DPP6: variants seen among roughly 807,000 people sequenced by gnomAD.
DPP6 encodes dipeptidyl peptidase like 6.
In DPP6, 69 loss-of-function variants were observed where a neutral mutation model predicts 122.6. The observed-to-expected ratio is 0.56, with a 90% CI of 0.46 to 0.69. The LOEUF is 0.69. Ranked by LOEUF, DPP6 falls within the 30% of genes least tolerant of loss-of-function variation. The probability of loss-of-function intolerance (pLI) is 0.00; values close to 1 mark genes in which losing one functional copy is unlikely to be tolerated. For synonymous variants in DPP6, 418 were observed against 433.1 expected (o/e 0.97, Z 0.43); for missense variants, 928 against 1,116.9 (o/e 0.83, Z 2.41).
At chr7:154,555,841 A>C (rs1829998789) in intron 4 of DPP6, among the ~76,000 whole-genome samples, 1 of 152,042 alleles carries the variant, frequency 6.6e-6, no homozygotes, top group Non-Finnish European at 1.5e-5. Flanking sequence ...GATTGAACAA[A>C]GCAAACTATA....
chr7:154,588,087 C>T, intron 5 of DPP6: 1 of 1,598,342 alleles, frequency 6.3e-7, no homozygotes, highest in Non-Finnish European at 8.6e-7. Flanking sequence ...CCGAGTGAGC[C>T]TTGCAGCCTC....
intron 1 of DPP6, among the ~76,000 whole-genome samples, chr7:154,023,357 C>CACACACACAT (rs1563109429): frequency 6.6e-6 from 1 of 150,970 alleles, no homozygotes; most frequent in African/African-American, 2.5e-5. Flanking sequence ...CACACACACA[C>CACACACACAT]ACACTTCTTA....
At chr7:154,247,573 G>A (rs1802062183) in intron 1 of DPP6, among the ~76,000 whole-genome samples, 1 of 151,262 alleles carries the variant, frequency 6.6e-6, no homozygotes, top group Non-Finnish European at 1.5e-5. Context: ...CCACTGGAAT[G>A]GTTATAATCA....
At chr7:154,803,017 G>A (rs562613988) in intron 13 of DPP6, among the ~76,000 whole-genome samples, 1 of 152,034 alleles carries the variant, frequency 6.6e-6, no homozygotes, top group East Asian at 1.9e-4. Context: ...CCCTCGGGGG[G>A]CCCCCAGGGC....
chr7:153,807,359 T>C, the DPP6 span, among the ~76,000 whole-genome samples: 127 of 151,074 alleles, frequency 8.4e-4, 1 homozygote, highest in African/African-American at 3.1e-3. Flanking sequence ...GCCGAGATCG[T>C]GCCACAGCCG....
At chr7:153,870,664 T>C in the DPP6 span, among the ~76,000 whole-genome samples, 2 of 152,244 alleles carry the variant, frequency 1.3e-5, no homozygotes, top group Non-Finnish European at 1.5e-5. Context: ...AAAGTCATTC[T>C]CCATCCAGCT....
intron 1 of DPP6, among the ~76,000 whole-genome samples, chr7:154,070,417 A>C (rs1400860778): frequency 6.6e-6 from 1 of 152,172 alleles, no homozygotes; most frequent in Non-Finnish European, 1.5e-5. Flanking sequence ...GTTGTGATGC[A>C]TCTATTATTT....
At chr7:154,469,459 T>C (rs936846671) in intron 2 of DPP6, among the ~76,000 whole-genome samples, 7 of 152,216 alleles carry the variant, frequency 4.6e-5, no homozygotes, top group Admixed American at 2.0e-4. Context: ...CTTCCGTCTC[T>C]AGGGTTTTTG....
chr7:154,159,773 A>G (rs3111943), intron 1 of DPP6, among the ~76,000 whole-genome samples: 128,010 of 149,716 alleles, frequency 0.86, 53,300 homozygotes, highest in East Asian at 0.98. Flanking sequence ...TGATCTTCCC[A>G]ACAGCACTAT....
intron 1 of DPP6, among the ~76,000 whole-genome samples, chr7:153,899,909 T>C (rs1015907597): frequency 1.3e-5 from 2 of 152,234 alleles, no homozygotes; most frequent in African/African-American, 4.8e-5. Flanking sequence ...AAAACTCTGA[T>C]GGAATTAACT....
chr7:154,384,299 A>C (rs1001409265), intron 1 of DPP6, among the ~76,000 whole-genome samples: 2 of 152,202 alleles, frequency 1.3e-5, no homozygotes, highest in African/African-American at 4.8e-5. Flanking sequence ...TCAGGAAAGG[A>C]CAAGTCAAGG....
chr7:154,794,011 G>A, intron 10 of DPP6, 68 bp from the exon 11 acceptor site: 1 of 1,559,592 alleles, frequency 6.4e-7, no homozygotes, highest in South Asian at 1.2e-5. Context: ...GGCTGGGGTC[G>A]GCGGTCCCCT....
chr7:154,534,811 A>G (rs1036512611), intron 3 of DPP6, among the ~76,000 whole-genome samples: 1 of 152,184 alleles, frequency 6.6e-6, no homozygotes, highest in South Asian at 2.1e-4. Flanking sequence ...TATAGATTCA[A>G]TGTAATACCA....
intron 1 of DPP6, among the ~76,000 whole-genome samples, chr7:154,353,351 A>G (rs1440017035): frequency 1.3e-5 from 2 of 152,164 alleles, no homozygotes; most frequent in African/African-American, 4.8e-5. Flanking sequence ...GGGGAGATAC[A>G]TGAGCATGCA....
intron 1 of DPP6, among the ~76,000 whole-genome samples, chr7:154,125,843 G>A (rs1807844920): frequency 1.3e-5 from 2 of 152,134 alleles, no homozygotes; most frequent in African/African-American, 2.4e-5. Flanking sequence ...CAGAGCCCTC[G>A]GTTGCCTCCT....
chr7:154,781,340 G>C (rs1335017115), intron 10 of DPP6, among the ~76,000 whole-genome samples: 1 of 152,142 alleles, frequency 6.6e-6, no homozygotes, highest in Non-Finnish European at 1.5e-5. Flanking sequence ...GTTGAAAAAG[G>C]ATGCCGCAGT....
intron 1 of DPP6, among the ~76,000 whole-genome samples, chr7:154,031,874 TTTTG>T (rs200843896): frequency 0.017 from 2,205 of 132,112 alleles, 61 homozygotes; most frequent in African/African-American, 0.062. Flanking sequence ...TTTTTTTTTT[TTTTG>T]GGGGACGGGG....
intron 3 of DPP6, among the ~76,000 whole-genome samples, chr7:154,539,577 C>T (rs1257498407): frequency 6.6e-6 from 1 of 150,948 alleles, no homozygotes. Context: ...CACATGTATA[C>T]ATATGTAACA....
chr7:153,809,734 T>C, the DPP6 span, among the ~76,000 whole-genome samples: 3 of 151,564 alleles, frequency 2.0e-5, no homozygotes, highest in African/African-American at 4.9e-5. Flanking sequence ...ATCTGTTTCC[T>C]GCTGAGGGTA....
Sources: allele counts gnomAD v4.1 joint callset (sites outside exome capture counted in the v4.1 genomes callset), GRCh38; gene constraint gnomAD v4.1.1; transcripts MANE v1.5; gene names NCBI Gene and HGNC (gene_info 2026-07-23, HGNC 2026-07-21).